Variants in ADGRL3 observed in about 807,000 individuals in gnomAD.
ADGRL3 encodes calcium-independent alpha-latrotoxin receptor 3.
In ADGRL3, 62 loss-of-function variants were observed where a neutral mutation model predicts 153.5. That is an observed-to-expected ratio of 0.40 (90% CI 0.33 to 0.50). The LOEUF (loss-of-function observed/expected upper bound fraction) is 0.50, where lower values mean the gene tolerates loss of function less well. Among genes scored for constraint, ADGRL3 ranks in the 20% least tolerant of loss-of-function variants. ADGRL3 has a pLI of 0.47. For synonymous variants in ADGRL3, 710 were observed against 672.5 expected (o/e 1.06, Z -0.86); for missense variants, 1,641 against 1,859.4 (o/e 0.88, Z 2.16).
intron 5 of ADGRL3, among the ~76,000 whole-genome samples, chr4:61,595,136 C>A (rs914478738): frequency 3.3e-5 from 5 of 152,182 alleles, no homozygotes; most frequent in South Asian, 2.1e-4. Context: ...TCAGGGACTC[C>A]AAGGGCCTGA....
intron 17 of ADGRL3, among the ~76,000 whole-genome samples, chr4:61,972,422 C>T (rs1366649235): frequency 6.6e-6 from 1 of 152,104 alleles, no homozygotes; most frequent in Non-Finnish European, 1.5e-5. Flanking sequence ...GGAATCCTTT[C>T]CCCATTGCTT....
chr4:61,580,923 G>T (rs2098922147), intron 4 of ADGRL3, among the ~76,000 whole-genome samples: 1 of 152,040 alleles, frequency 6.6e-6, no homozygotes, highest in Non-Finnish European at 1.5e-5. Flanking sequence ...GAGTCACTCA[G>T]TACATCCACA....
chr4:61,979,574 G>T lies in ADGRL3; in HGVS notation c.2817G>T (p.Ala939=), dbSNP rs759921885. Residue 939 remains alanine, a synonymous_variant, in exon 18 of 27, where the codon GCG becomes GCT. Transcript: ENST00000683033. ...CATTGTGTTTCCAGCACAGTGATGC[G>T]GTCCATGACCTCCTTCTGGATGTGA... is the stretch of plus-strand genomic sequence containing the variant. ...MAHVEVKHSD[A]VHDLLLDVIT... The T allele has an allele frequency of 6.2e-7, 1 of 1,613,692 alleles. No homozygotes were observed. Among genetic ancestry groups the T allele is most frequent in the Non-Finnish European group, 8.5e-7 (1 of 1,179,842 alleles).
intron 4 of ADGRL3, among the ~76,000 whole-genome samples, chr4:61,561,946 A>T (rs567610979): frequency 6.6e-6 from 1 of 152,084 alleles, no homozygotes; most frequent in East Asian, 1.9e-4. Context: ...AGCTAAAATT[A>T]TTTTTAGCTG....
chr4:61,768,947 T>G (rs2097044355), intron 8 of ADGRL3, among the ~76,000 whole-genome samples: 1 of 151,352 alleles, frequency 6.6e-6, no homozygotes, highest in Non-Finnish European at 1.5e-5. Flanking sequence ...AATACGCGAT[T>G]GGGGCACAGA....
chr4:61,216,321 G>A (rs981294363), intron 1 of ADGRL3, among the ~76,000 whole-genome samples: 1 of 151,702 alleles, frequency 6.6e-6, no homozygotes, highest in African/African-American at 2.4e-5. Flanking sequence ...AATACGTTTT[G>A]TTCCTAATAA....
chr4:61,513,766 A>G (rs2098476370), intron 3 of ADGRL3, among the ~76,000 whole-genome samples: 1 of 152,190 alleles, frequency 6.6e-6, no homozygotes, highest in African/African-American at 2.4e-5. Flanking sequence ...TTCAAATAAA[A>G]TCCTAATCAA....
intron 5 of ADGRL3, among the ~76,000 whole-genome samples, chr4:61,673,895 G>A (rs953510030): frequency 6.6e-6 from 1 of 150,936 alleles, no homozygotes; most frequent in South Asian, 2.1e-4. Flanking sequence ...ATAGAACAAT[G>A]ATGATAATAA....
intron 1 of ADGRL3, among the ~76,000 whole-genome samples, chr4:61,239,233 T>C (rs1474984382): frequency 6.6e-6 from 1 of 152,278 alleles, no homozygotes; most frequent in East Asian, 1.9e-4. Flanking sequence ...GCAGTTTGTC[T>C]ATGTGAACAA....
At chr4:61,249,151 T>G (rs1758217882) in intron 1 of ADGRL3, among the ~76,000 whole-genome samples, 1 of 152,198 alleles carries the variant, frequency 6.6e-6, no homozygotes, top group South Asian at 2.1e-4. Flanking sequence ...TTTTGCAGGA[T>G]GAAATAGAAA....
chr4:61,279,026 A>G (rs768105073), intron 1 of ADGRL3, among the ~76,000 whole-genome samples: 8 of 152,326 alleles, frequency 5.3e-5, no homozygotes, highest in East Asian at 1.9e-4. Context: ...TGCTTTAAAC[A>G]TGTTGTTGCT....
chr4:61,415,619 A>G (rs1182237927), intron 2 of ADGRL3, among the ~76,000 whole-genome samples: 1 of 152,092 alleles, frequency 6.6e-6, no homozygotes, highest in African/African-American at 2.4e-5. Context: ...ACTGTCATAC[A>G]TAAATTTGAC....
chr4:61,929,680 T>A (rs2098809229), intron 13 of ADGRL3, among the ~76,000 whole-genome samples: 1 of 152,106 alleles, frequency 6.6e-6, no homozygotes, highest in East Asian at 1.9e-4. Context: ...GTCTGTCCAA[T>A]GGGAGGTTTA....
At chr4:61,362,483 C>A (rs928982294) in intron 1 of ADGRL3, among the ~76,000 whole-genome samples, 22 of 151,826 alleles carry the variant, frequency 1.4e-4, no homozygotes, top group African/African-American at 4.8e-4. Context: ...ACTTAACTAC[C>A]GATAGACTAT....
At chr4:61,713,732 A>G (rs2096050578) in intron 6 of ADGRL3, among the ~76,000 whole-genome samples, 1 of 152,154 alleles carries the variant, frequency 6.6e-6, no homozygotes, top group Non-Finnish European at 1.5e-5. Context: ...AATGGTTTTT[A>G]TGTAGAAAGT....
chr4:61,517,616 G>T (rs982476226), intron 4 of ADGRL3, 98 bp downstream of exon 4: 2 of 659,294 alleles, frequency 3.0e-6, no homozygotes, highest in East Asian at 2.7e-5. Context: ...CTTCTTGTAA[G>T]TTTACTGTCT....
chr4:61,989,316 G>A (rs2099096112), intron 19 of ADGRL3, among the ~76,000 whole-genome samples: 2 of 151,996 alleles, frequency 1.3e-5, no homozygotes, highest in Admixed American at 6.6e-5. Context: ...ATTATTATAT[G>A]ATGTTATAAA....
intron 9 of ADGRL3, among the ~76,000 whole-genome samples, chr4:61,858,274 G>A (rs1345452728): frequency 6.6e-6 from 1 of 152,106 alleles, no homozygotes; most frequent in African/African-American, 2.4e-5. Flanking sequence ...TTGTAGCCTA[G>A]AAGCATCCAT....
chr4:61,727,472 A>G (rs2096368881), intron 6 of ADGRL3, among the ~76,000 whole-genome samples: 1 of 152,196 alleles, frequency 6.6e-6, no homozygotes. Context: ...GCCAGAATTC[A>G]GGATATTGGA....
Sources: allele counts gnomAD v4.1 joint callset (sites outside exome capture counted in the v4.1 genomes callset), GRCh38; gene constraint gnomAD v4.1.1; transcripts MANE v1.5; gene names NCBI Gene and HGNC (gene_info 2026-07-23, HGNC 2026-07-21).